Variants in ACTR3C observed in about 807,000 individuals in gnomAD.
ACTR3C encodes actin related protein 3C, also known as actin-related protein 3C.
In ACTR3C, 18 loss-of-function variants were observed where a neutral mutation model predicts 26.3. The ratio of observed to expected loss-of-function variants is 0.68; its 90% CI spans 0.47 to 1.01. The LOEUF is 1.01. Ranked by LOEUF, ACTR3C falls within the 50% of genes least tolerant of loss-of-function variation. The pLI, the probability that ACTR3C is intolerant of heterozygous loss-of-function variation, is 0.00. For synonymous variants in ACTR3C, 55 were observed against 94.5 expected, an observed-to-expected ratio of 0.58 and a Z score of 2.42; for missense variants, 184 against 250.7, an observed-to-expected ratio of 0.73 and a Z score of 1.80.
At chr7:150,271,323 T>C (rs1384713655) in intron 6 of ACTR3C, among the ~76,000 whole-genome samples, 4 of 149,698 alleles carry the variant, frequency 2.7e-5, no homozygotes, top group Non-Finnish European at 4.4e-5. Flanking sequence ...TCTCTCCTAA[T>C]GCTCTCCCTC....
chr7:150,125,514 G>T, the ACTR3C span, among the ~76,000 whole-genome samples: 1 of 151,942 alleles, frequency 6.6e-6, no homozygotes, highest in African/African-American at 2.4e-5. Context: ...TATCCCCAGG[G>T]CTTACACCTA....
intron 6 of ACTR3C, among the ~76,000 whole-genome samples, chr7:150,284,414 C>T (rs1162641195): frequency 3.3e-5 from 5 of 152,122 alleles, no homozygotes; most frequent in East Asian, 3.9e-4. Flanking sequence ...GGCGTGGCGG[C>T]GTGCACCTGT....
chr7:150,035,016 CA>C, the ACTR3C span, among the ~76,000 whole-genome samples: 520 of 142,132 alleles, frequency 3.7e-3, 11 homozygotes, highest in East Asian at 0.022. Context: ...TCCTCAGAGC[CA>C]GGGGGGGAAG....
At chr7:150,316,161 C>T (rs1796862550) in intron 1 of ACTR3C, among the ~76,000 whole-genome samples, 1 of 152,226 alleles carries the variant, frequency 6.6e-6, no homozygotes, top group African/African-American at 2.4e-5. Context: ...CACGCCATTG[C>T]ACTCCAGCCT....
the ACTR3C span, among the ~76,000 whole-genome samples, chr7:150,206,537 C>G: frequency 0.014 from 2,088 of 152,216 alleles, 41 homozygotes; most frequent in African/African-American, 0.048. Flanking sequence ...CCTCAGCCTC[C>G]TGAGTAGCTA....
At chr7:149,912,927 C>G in the ACTR3C span, among the ~76,000 whole-genome samples, 3 of 152,160 alleles carry the variant, frequency 2.0e-5, no homozygotes, top group Non-Finnish European at 2.9e-5. Flanking sequence ...TAATATCTTT[C>G]CATTTTCCTG....
chr7:150,038,331 C>A, the ACTR3C span, among the ~76,000 whole-genome samples: 80 of 143,328 alleles, frequency 5.6e-4, 4 homozygotes, highest in African/African-American at 1.0e-3. Flanking sequence ...GGTTAAAAGT[C>A]CAGCTGCCAT....
At chr7:150,069,559 A>G in the ACTR3C span, among the ~76,000 whole-genome samples, 6 of 152,088 alleles carry the variant, frequency 3.9e-5, no homozygotes, top group Non-Finnish European at 8.8e-5. Context: ...CTGGGGGATA[A>G]TGGTCAGTAA....
the ACTR3C span, among the ~76,000 whole-genome samples, chr7:150,152,721 T>C: frequency 6.6e-6 from 1 of 152,124 alleles, no homozygotes; most frequent in Non-Finnish European, 1.5e-5. Flanking sequence ...ATGGTACCAG[T>C]TCCTCCTTGT....
At chr7:149,913,207 A>T in the ACTR3C span, among the ~76,000 whole-genome samples, 4 of 152,178 alleles carry the variant, frequency 2.6e-5, no homozygotes, top group African/African-American at 4.8e-5. Context: ...AGAGATGTTA[A>T]CATCACAGCT....
the ACTR3C span, among the ~76,000 whole-genome samples, chr7:150,142,347 C>T: frequency 7.9e-3 from 1,200 of 152,204 alleles, 9 homozygotes; most frequent in African/African-American, 0.016. Context: ...TCTACCTGCT[C>T]GGGTGGAGGG....
At chr7:150,073,152 C>T in the ACTR3C span, among the ~76,000 whole-genome samples, 4 of 152,200 alleles carry the variant, frequency 2.6e-5, no homozygotes, top group Admixed American at 6.5e-5. Flanking sequence ...ATGGGACTAG[C>T]GTCCTTAGCA....
At chr7:150,203,872 C>A in the ACTR3C span, among the ~76,000 whole-genome samples, 1 of 152,090 alleles carries the variant, frequency 6.6e-6, no homozygotes, top group Non-Finnish European at 1.5e-5. Flanking sequence ...ACACCCGGCC[C>A]GGGCACCAAA....
the ACTR3C span, among the ~76,000 whole-genome samples, chr7:149,916,137 C>T: frequency 6.0e-5 from 4 of 66,818 alleles, 2 homozygotes; most frequent in Non-Finnish European, 8.5e-5. Context: ...ATCTCTAAAA[C>T]GTGGGTAATA....
At chr7:149,882,139 C>T in the ACTR3C span, 1 of 152,456 alleles carries the variant, frequency 6.6e-6, no homozygotes, top group Non-Finnish European at 1.5e-5. Flanking sequence ...GCCGCTGCAC[C>T]TCTGAAGCCA....
the ACTR3C span, among the ~76,000 whole-genome samples, chr7:149,967,323 C>T: frequency 0.042 from 6,324 of 152,182 alleles, 351 homozygotes; most frequent in African/African-American, 0.13. Flanking sequence ...GCATAAGCCA[C>T]GGTGCCTGGC....
the ACTR3C span, among the ~76,000 whole-genome samples, chr7:150,039,735 C>T: frequency 5.2e-3 from 529 of 101,840 alleles, 2 homozygotes; most frequent in African/African-American, 0.015. Context: ...CCCACCCTCG[C>T]GGGGGGTGCC....
the ACTR3C span, among the ~76,000 whole-genome samples, chr7:150,043,304 C>T: frequency 1.3e-5 from 2 of 151,194 alleles, no homozygotes; most frequent in African/African-American, 4.9e-5. Context: ...GAGGGGCTGG[C>T]TCTCAGTCCC....
chr7:149,943,181 G>A, the ACTR3C span, among the ~76,000 whole-genome samples: 462 of 140,648 alleles, frequency 3.3e-3, 19 homozygotes, highest in African/African-American at 0.014. Context: ...ATTGCTTCAG[G>A]TAAAAGGAGA....
Sources: allele counts gnomAD v4.1 joint callset (sites outside exome capture counted in the v4.1 genomes callset), GRCh38; gene constraint gnomAD v4.1.1; transcripts MANE v1.5; gene names NCBI Gene and HGNC (gene_info 2026-07-23, HGNC 2026-07-21).